Variants in KIF26A observed in about 807,000 individuals in gnomAD.
KIF26A encodes the protein kinesin family member 26A, also known as kinesin-like protein KIF26A.
In KIF26A, 74 loss-of-function variants were observed where a neutral mutation model predicts 126.0. That is an observed-to-expected ratio of 0.59 (90% CI 0.49 to 0.71). The LOEUF (loss-of-function observed/expected upper bound fraction) is 0.71, where lower values mean the gene tolerates loss of function less well. Among genes scored for constraint, KIF26A ranks in the 30% least tolerant of loss-of-function variants. The pLI is 0.00. For synonymous variants in KIF26A, 1,445 were observed against 1,232.7 expected (o/e 1.17, Z -3.61); for missense variants, 2,984 against 2,763.3 (o/e 1.08, Z -1.79).
intron 3 of KIF26A, among the ~76,000 whole-genome samples, chr14:104,153,957 A>G (rs972550166): frequency 6.6e-6 from 1 of 152,132 alleles, no homozygotes; most frequent in African/African-American, 2.4e-5. Context: ...TTATGTGCAC[A>G]TTGATCGTGG....
In KIF26A at chr14:104,175,572, C is replaced by T. The variant is rs776386864; in HGVS notation, c.2784C>T (p.Ser928=). The T allele has an allele frequency of 1.2e-5, 19 of 1,607,322 alleles. No individual in the cohort carries two copies. Among genetic ancestry groups the T allele is most frequent in the East Asian group, 4.5e-5 (2 of 44,876 alleles). Residue 928 remains serine (S), a synonymous_variant, in exon 12 of 15, where the codon AGC becomes AGT. Coordinates refer to ENST00000423312, the MANE Select transcript of KIF26A (RefSeq NM_015656.2). The part of the protein sequence containing the change: ...IVWGDQREDS[S]AWPELLVPEK... ...GGGGTGACCAGAGAGAGGACAGCAG[C>T]GCTTGGCCTGAGCTGCTGGTCCCGG...
chr14:104,157,338 G>A (rs189242182), intron 3 of KIF26A, among the ~76,000 whole-genome samples: 52 of 152,288 alleles, frequency 3.4e-4, no homozygotes, highest in East Asian at 3.9e-4. Context: ...TAATTACGCC[G>A]CTGGGTGCTC....
Position 104,149,933 on chromosome 14 carries a change from C to A in KIF26A, c.289-2082C>A, listed in dbSNP as rs113991108. On this transcript the variant is annotated intron_variant, in intron 2 of 14. Transcript: ENST00000423312. The stretch of plus-strand genomic sequence containing the variant: ...TTCCTTCCCCTTCACACGGGGCCAC[C>A]AGGGCAGCCTCCTGCTGAGTGGAAA... Among the ~76,000 whole-genome samples the A allele has an allele frequency of 7.8e-3, 1,185 of 152,316 alleles. 9 individuals are homozygous for A. The highest frequency in any genetic ancestry group is 0.027 in the African/African-American group (1,129 of 41,582).
Position 104,179,866 on chromosome 14 carries a change from G to A in KIF26A, c.*76G>A. The A allele has an allele frequency of 7.4e-7, 1 of 1,353,144 alleles. No individual in the cohort carries two copies. The highest frequency in any genetic ancestry group is 1.5e-5 in the South Asian group (1 of 68,522). 83.8% of individuals were successfully genotyped at this position (1,353,144 alleles called of 1,614,324 possible). A position where few individuals can be genotyped will look rare whatever the true frequency, so the allele number is the denominator to read the frequency against. The stretch of plus-strand genomic sequence containing the variant: ...ACGTGGGACGGAGCGAGGATGTGGT[G>A]GGGGCTGCGGGGGGAGGATGCGGAG... On this transcript the variant is annotated 3_prime_UTR_variant, in exon 15 of 15. Coordinates refer to ENST00000423312, the MANE Select transcript of KIF26A (RefSeq NM_015656.2).
Position 104,174,162 on chromosome 14 carries a change from C to T in KIF26A, c.2045C>T (p.Thr682Ile). ...TCGACCCGCAGGGACCACAGGCTCA[C>T]CATGCTGCTGCGTGAATCCCTGGCC... ...KHVPYRDHRL[T>I]MLLRESLATA... The change falls in exon 11 of 15, where the codon ACC becomes ATC. Residue 682 changes from threonine (T) to isoleucine (I), a missense_variant. Coordinates refer to ENST00000423312, the MANE Select transcript of KIF26A (RefSeq NM_015656.2). 2 of 1,582,508 alleles carry T rather than the reference C, an allele frequency of 1.3e-6. No individual in the cohort carries two copies. Among genetic ancestry groups the T allele is most frequent in the Non-Finnish European group, 1.7e-6 (2 of 1,163,056 alleles).
intron 4 of KIF26A, among the ~76,000 whole-genome samples, chr14:104,159,053 A>G (rs761553710): frequency 6.6e-6 from 1 of 152,178 alleles, no homozygotes; most frequent in Non-Finnish European, 1.5e-5. Flanking sequence ...GACGGGGCAT[A>G]TGATTAGGGC....
intron 2 of KIF26A, among the ~76,000 whole-genome samples, chr14:104,142,485 C>G (rs1284791363): frequency 6.6e-6 from 1 of 152,066 alleles, no homozygotes; most frequent in Non-Finnish European, 1.5e-5. Context: ...GCTGCTCTGT[C>G]TGCCCTGCCA....
chr14:104,170,495 A>G (rs1435003670), intron 5 of KIF26A, among the ~76,000 whole-genome samples: 1 of 152,246 alleles, frequency 6.6e-6, no homozygotes, highest in Non-Finnish European at 1.5e-5. Flanking sequence ...TGCCGGCGTT[A>G]TGTATCTGTC....
intron 4 of KIF26A, among the ~76,000 whole-genome samples, chr14:104,162,426 T>G (rs2037842054): frequency 6.6e-6 from 1 of 152,196 alleles, no homozygotes; most frequent in Non-Finnish European, 1.5e-5. Flanking sequence ...ACGCTGCTCC[T>G]GGGAGGGTCA....
rs576259450 is a variant in KIF26A at position 104,177,516 on chromosome 14, G to A, written c.4728G>A (p.Pro1576=). 2.1e-5 allele frequency: 33 copies of A among 1,535,510 alleles called. 1 individual carries two copies. Among genetic ancestry groups the A allele is most frequent in the South Asian group, 1.9e-4 (16 of 83,870 alleles). ...ATGAGCTGTCAGCCAGTGGAGCCCCGGGCCGAGGTGGCTCCTCGTGGGGCT... is the reference window on the plus strand; with the variant it reads ...ATGAGCTGTCAGCCAGTGGAGCCCCAGGCCGAGGTGGCTCCTCGTGGGGCT... ...RVHELSASGA[P]GRGGSSWGSA... The change falls in exon 12 of 15, where the codon CCG becomes CCA. Residue 1576 remains proline, a synonymous_variant. Transcript: ENST00000423312.
chr14:104,163,345 C>A (rs1052603439), intron 4 of KIF26A, among the ~76,000 whole-genome samples: 4 of 152,196 alleles, frequency 2.6e-5, no homozygotes, highest in African/African-American at 9.6e-5. Flanking sequence ...TCTGCCCGGG[C>A]TTCTTGCCCT....
At chr14:104,155,031 G>A (rs1054798238) in intron 3 of KIF26A, among the ~76,000 whole-genome samples, 1 of 152,164 alleles carries the variant, frequency 6.6e-6, no homozygotes, top group Non-Finnish European at 1.5e-5. Flanking sequence ...TTTGAGTGAC[G>A]AGGCTGGAGC....
At chr14:104,171,979 G>A (rs919204847) in intron 6 of KIF26A, 44 bp downstream of exon 6, 3 of 1,518,386 alleles carry the variant, frequency 2.0e-6, no homozygotes, top group East Asian at 2.5e-5. Flanking sequence ...ACCCGGAGCC[G>A]GGCTGCTGGC....
intron 8 of KIF26A, 30 bp from the exon 9 acceptor site, chr14:104,173,300 A>G (rs545300003): frequency 6.2e-7 from 1 of 1,601,574 alleles, no homozygotes; most frequent in Non-Finnish European, 8.5e-7. Context: ...TGAGCCACTG[A>G]AGACGCCGCT....
Position 104,180,785 on chromosome 14 carries a change from C to T in KIF26A, c.*995C>T, listed in dbSNP as rs1337784039. ...TTGCGACGTCCCCGCACGACAGGCT[C>T]ATACTTTCTGAGGATCGTGCATAGC... On this transcript the variant is annotated 3_prime_UTR_variant, in exon 15 of 15. Coordinates refer to ENST00000423312, the MANE Select transcript of KIF26A (RefSeq NM_015656.2). 6.5e-6 allele frequency: 1 copy of T among 154,346 alleles called. No homozygotes were observed. The highest frequency in any genetic ancestry group is 2.4e-5 in the African/African-American group (1 of 41,514). The allele number at this position is 154,346 out of a possible 1,614,324, so 9.6% of individuals were successfully genotyped here. A position where few individuals can be genotyped will look rare whatever the true frequency, so the allele number is the denominator to read the frequency against.
At chr14:104,159,894 A>C (rs1389908603) in intron 4 of KIF26A, among the ~76,000 whole-genome samples, 1 of 151,306 alleles carries the variant, frequency 6.6e-6, no homozygotes, top group African/African-American at 2.4e-5. Flanking sequence ...GGGGGTGTCC[A>C]CTCCTGGGTT....
intron 12 of KIF26A, among the ~76,000 whole-genome samples, 197 bp from the exon 13 acceptor site, chr14:104,178,353 G>A (rs960011340): frequency 6.6e-6 from 1 of 152,212 alleles, no homozygotes; most frequent in African/African-American, 2.4e-5. Flanking sequence ...GGTGGTGGGG[G>A]CGCCCTTGAG....
At chr14:104,138,795 G>T in intron 1 of KIF26A, 31 bp downstream of exon 1, 1 of 1,257,718 alleles carries the variant, frequency 8.0e-7, no homozygotes, top group Non-Finnish European at 1.0e-6. Context: ...AGAGGGAGGC[G>T]GGCGGCGGGG....
In KIF26A at chr14:104,175,101, C is replaced by G. The variant is rs201913589; in HGVS notation, c.2313C>G (p.Pro771=). 1.3e-3 allele frequency: 2,041 copies of G among 1,603,522 alleles called. 2 individuals carry two copies. Among genetic ancestry groups the G allele is most frequent in the Non-Finnish European group, 1.5e-3 (1,750 of 1,176,376 alleles). The change falls in exon 12 of 15, where the codon CCC becomes CCG. Residue 771 remains proline, a synonymous_variant. Coordinates refer to ENST00000423312, the MANE Select transcript of KIF26A (RefSeq NM_015656.2). ...CCCTGGACCCCGACCGCACGCCTCCCTGCCTGCCCGGTGACCCCGATTACT... is the reference window on the plus strand; with the variant it reads ...CCCTGGACCCCGACCGCACGCCTCCGTGCCTGCCCGGTGACCCCGATTACT... The part of the protein sequence containing the change: ...TVALDPDRTP[P]CLPGDPDYSS...
Sources: allele counts gnomAD v4.1 joint callset (sites outside exome capture counted in the v4.1 genomes callset), GRCh38; gene constraint gnomAD v4.1.1; transcripts MANE v1.5; gene names NCBI Gene and HGNC (gene_info 2026-07-23, HGNC 2026-07-21).